The following PNPLA6 variants were observed in gnomAD, a reference collection of about 807,000 sequenced individuals.
PNPLA6 encodes patatin-like phospholipase domain-containing protein 6.
PNPLA6 carries 105 observed loss-of-function variants against 153.7 expected under a neutral mutation model. The observed-to-expected ratio is 0.68, with a 90% confidence interval of 0.58 to 0.80. The LOEUF (loss-of-function observed/expected upper bound fraction) is 0.80. PNPLA6 is among the 30% of genes least tolerant of loss of function. The probability of loss-of-function intolerance (pLI) is 0.00; values close to 1 mark genes in which losing one functional copy is unlikely to be tolerated. For synonymous variants in PNPLA6, 825 were observed against 822.2 expected (o/e 1.00, Z -0.06); for missense variants, 1,423 against 1,919.3 (o/e 0.74, Z 4.83).
Position 7,541,785 on chromosome 19 carries a change from T to C in PNPLA6, c.1168+101T>C. 4.4e-6 allele frequency: 6 copies of C among 1,362,500 alleles called. No individual in the cohort carries two copies. The South Asian group carries it at 7.4e-5, about 17-fold the overall frequency. 84.4% of individuals were successfully genotyped at this position (1,362,500 alleles called of 1,614,324 possible). ...TCTGCATAGAGTCAACCTGACCTTG[T>C]CCAGCCCCACAGGGACTCCATAGCG... On this transcript the variant is annotated intron_variant, in intron 9 of 31. Coordinates refer to ENST00000600737, the MANE Select transcript of PNPLA6 (RefSeq NM_001166114.2). This position sits in a 1 kb window ranked among gnomAD's most constrained non-coding sequence, Gnocchi z 5.2.
At chr19:7,557,103 G>C (rs1056291505) in intron 26 of PNPLA6, 65 bp from the exon 27 acceptor site, 2 of 1,249,056 alleles carry the variant, frequency 1.6e-6, no homozygotes, top group Non-Finnish European at 2.3e-6. Flanking sequence ...CCATCGGGCC[G>C]GCTGGGCCTC....
chr19:7,547,182 G>C (rs935789769), intron 13 of PNPLA6, among the ~76,000 whole-genome samples: 1 of 152,338 alleles, frequency 6.6e-6, no homozygotes, highest in East Asian at 1.9e-4. Context: ...TGGGATTACA[G>C]ATGTGAGCCA....
rs759341701 is a variant in PNPLA6, at chr19:7,536,514, G to A, written c.381G>A (p.Arg127=). ...SVSATSRPRM[R]KKLKMLNIAK... is the part of the protein sequence containing the mutation. Reference sequence around the variant, plus strand: ...CCGCCACCTCCCGGCCACGCATGAGGAAGAAACTGAAGATGCTCAACATTG... The same window carrying A: ...CCGCCACCTCCCGGCCACGCATGAGAAAGAAACTGAAGATGCTCAACATTG... Residue 127 remains arginine, a synonymous_variant, in exon 3 of 32, where the codon AGG becomes AGA. Coordinates refer to ENST00000600737, the MANE Select transcript of PNPLA6 (RefSeq NM_001166114.2). 17 of 1,613,720 alleles carry A rather than the reference G, an allele frequency of 1.1e-5. No individual in the cohort carries two copies. In the East Asian group the frequency reaches 3.3e-4, roughly 32 times the overall value.
At chr19:7,547,797 C>A (rs1200810449) in intron 13 of PNPLA6, among the ~76,000 whole-genome samples, 2 of 139,666 alleles carry the variant, frequency 1.4e-5, no homozygotes, top group Non-Finnish European at 3.0e-5. Flanking sequence ...GCTACCATGC[C>A]TGGCTAATTA....
chr19:7,560,881 C>A, intron 29 of PNPLA6, 117 bp downstream of exon 29: 3 of 857,906 alleles, frequency 3.5e-6, no homozygotes, highest in Non-Finnish European at 5.8e-6. Flanking sequence ...TTGCTGAGCT[C>A]TCAGACCTCT....
rs763065828 is a variant in PNPLA6 at position 7,554,649 on chromosome 19, A to C, written c.2560A>C (p.Thr854Pro). Reference protein sequence around the residue: ...YQTDASLTPWTVRCLRQADCI... With the variant: ...YQTDASLTPWPVRCLRQADCI... Reference sequence around the variant, plus strand: ...GACGGACGCCTCGCTGACGCCCTGGACCGTGCGCTGCCTGCGACAGGCCGA... The same window carrying C: ...GACGGACGCCTCGCTGACGCCCTGGCCCGTGCGCTGCCTGCGACAGGCCGA... Residue 854 changes from threonine to proline, a missense_variant, in exon 21 of 32, where the codon ACC (threonine) becomes CCC (proline). Thr to Pro is a conservative substitution (Grantham distance 38). Around this residue, in one of 10 missense-constraint regions of PNPLA6, gnomAD observed 643 missense variants for 835.2 expected, o/e 0.77. Transcript: ENST00000600737. 1 of 1,613,852 alleles carries C rather than the reference A, an allele frequency of 6.2e-7. No homozygotes were observed. Among genetic ancestry groups the C allele is most frequent in the Non-Finnish European group, 8.5e-7 (1 of 1,179,972 alleles).
At chr19:7,548,681 G>A (rs1201702065) in intron 13 of PNPLA6, among the ~76,000 whole-genome samples, 3 of 149,900 alleles carry the variant, frequency 2.0e-5, no homozygotes, top group Non-Finnish European at 4.4e-5. Context: ...ATCCAAGGTT[G>A]GTTGAATCCT....
rs770905367 is a variant in PNPLA6 at position 7,561,669 on chromosome 19, C to T, written c.*107C>T. 6 of 796,344 alleles carry T rather than the reference C, an allele frequency of 7.5e-6. No individual in the cohort carries two copies. Among genetic ancestry groups the T allele is most frequent in the South Asian group, 4.3e-5 (3 of 69,166 alleles). The allele number at this position is 796,344 out of a possible 1,614,324, so 49.3% of individuals were successfully genotyped here. On this transcript the variant is annotated 3_prime_UTR_variant, in exon 32 of 32. Coordinates refer to ENST00000600737, the MANE Select transcript of PNPLA6 (RefSeq NM_001166114.2). Reference sequence around the variant, plus strand: ...CCTGCTGCTATGCCTGTGACCCCCGCGGCCCACACACTGGACTGACCTGCC... The same window carrying T: ...CCTGCTGCTATGCCTGTGACCCCCGTGGCCCACACACTGGACTGACCTGCC...
Position 7,540,909 on chromosome 19 carries a change from C to T in PNPLA6, c.796-14C>T, listed in dbSNP as rs750304246. 4 of 1,612,962 alleles carry T rather than the reference C, an allele frequency of 2.5e-6. No homozygotes were observed. Among genetic ancestry groups the T allele is most frequent in the Admixed American group, 3.3e-5 (2 of 60,004 alleles). ...CTCTGCCCTTGTCTCTCTTCACGCC[C>T]TCCCCTCCCCCAGGGTCACCAGCAT... On this transcript the variant is annotated splice_polypyrimidine_tract_variant and intron_variant, in intron 6 of 31. Transcript: ENST00000600737. The surrounding 1 kb of genome is among the most constrained non-coding windows in gnomAD (Gnocchi z 6.8).
Position 7,556,742 on chromosome 19 carries a change from GC to G in PNPLA6, c.3280+20del. The G allele has an allele frequency of 6.3e-7, 1 of 1,591,946 alleles. No homozygotes were observed. Among genetic ancestry groups the G allele is most frequent in the South Asian group, 1.1e-5 (1 of 90,662 alleles). On this transcript the variant is annotated intron_variant, in intron 26 of 31. Coordinates refer to ENST00000600737, the MANE Select transcript of PNPLA6 (RefSeq NM_001166114.2). Reference sequence around the variant, plus strand: ...CAAAGATGGTGGGTGTCCCCGCCCAGCCTGCAGCAACCGCTGACGCCACGTG... The same window carrying G: ...CAAAGATGGTGGGTGTCCCCGCCCAGCTGCAGCAACCGCTGACGCCACGTG...
chr19:7,535,352 C>T (rs928233975), upstream of PNPLA6: 84 of 671,816 alleles, frequency 1.3e-4, no homozygotes, highest in Non-Finnish European at 1.7e-4. This position sits in a 1 kb window ranked among gnomAD's most constrained non-coding sequence, Gnocchi z 5.0. Context: ...ATCCCTTAGT[C>T]CCGCAGCGCC....
At chr19:7,550,908 A>G (rs2023614154) in intron 16 of PNPLA6, 86 bp from the exon 17 acceptor site, 1 of 1,068,248 alleles carries the variant, frequency 9.4e-7, no homozygotes, top group Admixed American at 2.0e-5. Flanking sequence ...GGAGCCCTAG[A>G]TGGGGCAGTA....
At chr19:7,553,321 G>A (rs573395615) in intron 18 of PNPLA6, among the ~76,000 whole-genome samples, 5 of 152,102 alleles carry the variant, frequency 3.3e-5, no homozygotes, top group African/African-American at 4.8e-5. Context: ...GCACGATCTC[G>A]GCTCACTGCA....
At chr19:7,557,040 G>A (rs113084383) in intron 26 of PNPLA6, 128 bp from the exon 27 acceptor site, 38 of 840,074 alleles carry the variant, frequency 4.5e-5, no homozygotes, top group African/African-American at 3.6e-4. Context: ...CCCCAAGGAC[G>A]GGCACCTGCT....
intron 13 of PNPLA6, among the ~76,000 whole-genome samples, chr19:7,548,063 T>C (rs1368659331): frequency 6.6e-6 from 1 of 151,542 alleles, no homozygotes; most frequent in Non-Finnish European, 1.5e-5. Flanking sequence ...CTAACAGTTA[T>C]AGCTGGGCAT....
chr19:7,561,377 AGG>A, intron 31 of PNPLA6, 60 bp downstream of exon 31: 1 of 1,444,724 alleles, frequency 6.9e-7, no homozygotes, highest in Non-Finnish European at 9.6e-7. Context: ...GTACAGTGTC[AGG>A]CAGGGGAGCC....
At chr19:7,558,244 C>T (rs1445711636) in intron 27 of PNPLA6, among the ~76,000 whole-genome samples, 1 of 152,220 alleles carries the variant, frequency 6.6e-6, no homozygotes, top group Non-Finnish European at 1.5e-5. Context: ...CAGACATGTA[C>T]GCCAACTGCA....
chr19:7,550,647 GCGA>G lies in PNPLA6; in HGVS notation c.2070+9_2070+11del. On this transcript the variant is annotated splice_region_variant and intron_variant, in intron 16 of 31. Transcript: ENST00000600737. ...CGGCGACCTCATCGGCGTGGTGAGC[GCGA>G]CCCCCACCCACTGACCTCTGGCCTT... 6.2e-7 allele frequency: 1 copy of G among 1,609,894 alleles called. No homozygotes were observed. The highest frequency in any genetic ancestry group is 8.5e-7 in the Non-Finnish European group (1 of 1,179,518).
rs780340075 is a variant in PNPLA6 at position 7,550,068 on chromosome 19, A to C, written c.1770A>C (p.Gln590His). The change falls in exon 14 of 32, where the codon CAA becomes CAC. Residue 590 changes from glutamine (Q) to histidine (H), a missense_variant. Around this residue, in one of 10 missense-constraint regions of PNPLA6, gnomAD observed 119 missense variants for 163.7 expected, o/e 0.73. Transcript: ENST00000600737. ...GEPLIFTLRA[Q>H]RDCTFLRISK... ...CTCTCATCTTCACACTGCGAGCCCA[A>C]CGCGACTGCACCTTCCTGCGGATCT... 1 of 1,614,054 alleles carries C rather than the reference A, an allele frequency of 6.2e-7. No individual in the cohort carries two copies. Among genetic ancestry groups the C allele is most frequent in the Non-Finnish European group, 8.5e-7 (1 of 1,180,028 alleles).
Sources: allele counts gnomAD v4.1 joint callset (sites outside exome capture counted in the v4.1 genomes callset), GRCh38; gene constraint gnomAD v4.1.1; regional missense constraint gnomAD v4.1.1; non-coding constraint Gnocchi (gnomAD v3.1); transcripts MANE v1.5; gene names NCBI Gene and HGNC (gene_info 2026-07-23, HGNC 2026-07-21).